RDH11: variants seen among roughly 807,000 people sequenced by gnomAD.
RDH11 encodes the protein retinol dehydrogenase 11, also known as HCV core-binding protein HCBP12.
RDH11 carries 19 observed loss-of-function variants against 33.4 expected under a neutral mutation model. The observed-to-expected ratio is 0.57, with a 90% CI of 0.40 to 0.83. RDH11 has a LOEUF of 0.83. RDH11 is among the 40% of genes least tolerant of loss of function. The probability of loss-of-function intolerance (pLI) is 0.00; values close to 1 mark genes in which losing one functional copy is unlikely to be tolerated. For missense variants in RDH11, 353 were observed against 389.0 expected, an observed-to-expected ratio of 0.91 and a Z score of 0.78; for synonymous variants, 154 against 155.3, an observed-to-expected ratio of 0.99 and a Z score of 0.06.
At chr14:67,693,199 A>G in intron 1 of RDH11, 147 bp from the exon 2 acceptor site, 2 of 533,336 alleles carry the variant, frequency 3.7e-6, no homozygotes, top group Non-Finnish European at 6.6e-6. Flanking sequence ...ATTTAAGGAA[A>G]GTTGGAGGAA....
At chr14:67,680,989 C>G (rs1446648262) in intron 6 of RDH11, among the ~76,000 whole-genome samples, 1 of 152,146 alleles carries the variant, frequency 6.6e-6, no homozygotes, top group Non-Finnish European at 1.5e-5. Context: ...TGATTTTTGA[C>G]AAGCTTACTG....
intron 2 of RDH11, 36 bp downstream of exon 2, chr14:67,692,898 C>A: frequency 1.5e-6 from 2 of 1,347,870 alleles, no homozygotes; most frequent in Non-Finnish European, 2.1e-6. Flanking sequence ...GGTAAAACAG[C>A]AGTAATAGGA....
At chr14:67,692,282 A>G in intron 3 of RDH11, 156 bp downstream of exon 3, 1 of 733,148 alleles carries the variant, frequency 1.4e-6, no homozygotes, top group Non-Finnish European at 2.3e-6. Flanking sequence ...TCCCTTTGAC[A>G]TAAATTGTGT....
chr14:67,679,903 T>C (rs1000617008), intron 6 of RDH11, among the ~76,000 whole-genome samples: 6 of 152,162 alleles, frequency 3.9e-5, no homozygotes, highest in African/African-American at 1.4e-4. Context: ...TTCAAGAAAA[T>C]TGCTTCCTCA....
intron 5 of RDH11, among the ~76,000 whole-genome samples, chr14:67,687,878 T>C (rs1051957019): frequency 2.0e-5 from 3 of 151,890 alleles, no homozygotes; most frequent in African/African-American, 7.3e-5. Flanking sequence ...TTCAGGCGAT[T>C]CTCCTGCCTC....
At chr14:67,679,981 A>G (rs1260090742) in intron 6 of RDH11, among the ~76,000 whole-genome samples, 1 of 152,210 alleles carries the variant, frequency 6.6e-6, no homozygotes, top group Non-Finnish European at 1.5e-5. Flanking sequence ...CAAACTCTTA[A>G]CACTATGTCA....
Position 67,691,186 on chromosome 14 carries a change from C to G in RDH11, c.408G>C (p.Ser136=). Residue 136 remains serine, a synonymous_variant, in exon 4 of 7, where the codon TCG becomes TCC. Transcript: ENST00000381346. ...NNAGVMMCPY[S]KTADGFEMHI... Reference sequence around the variant, plus strand: ...GCATCTCAAAGCCATCTGCTGTCTTCGAGTACGGACACATCATCACTCCTG... The same window carrying G: ...GCATCTCAAAGCCATCTGCTGTCTTGGAGTACGGACACATCATCACTCCTG... The G allele has an allele frequency of 6.2e-7, 1 of 1,614,062 alleles. No individual in the cohort carries two copies. The highest frequency in any genetic ancestry group is 8.5e-7 in the Non-Finnish European group (1 of 1,179,952).
At chr14:67,693,770 G>C (rs1042671717) in intron 1 of RDH11, among the ~76,000 whole-genome samples, 1 of 151,196 alleles carries the variant, frequency 6.6e-6, no homozygotes, top group Admixed American at 6.6e-5. Flanking sequence ...AGGTTCAAGC[G>C]ATTCTCATCC....
chr14:67,678,511 C>T (rs2037572642), intron 6 of RDH11, 88 bp from the exon 7 acceptor site: 1 of 803,126 alleles, frequency 1.2e-6, no homozygotes. Context: ...ATAAAAACAA[C>T]TAGGGATCAC....
At chr14:67,688,194 C>G (rs1350667417) in intron 5 of RDH11, among the ~76,000 whole-genome samples, 1 of 152,176 alleles carries the variant, frequency 6.6e-6, no homozygotes, top group Non-Finnish European at 1.5e-5. Flanking sequence ...AATAAGGTCC[C>G]CCCAAGACTC....
At position 67,683,999 on chromosome 14, in the gene RDH11, T is replaced by C. The variant is rs186835565; in HGVS notation, c.854+1016A>G. Among the ~76,000 whole-genome samples, 289 of 152,366 alleles carry C rather than the reference T, an allele frequency of 1.9e-3. 1 individual carries two copies. Among genetic ancestry groups the C allele is most frequent in the Non-Finnish European group, 3.5e-3 (236 of 68,040 alleles). On this transcript the variant is annotated intron_variant, in intron 6 of 6. Coordinates refer to ENST00000381346, the MANE Select transcript of RDH11 (RefSeq NM_016026.4). ...GCAAAGCCTCCCTCATCCCCTCATT[T>C]AATTAATCATCCAGTGATAAAAATT...
intron 2 of RDH11, 105 bp downstream of exon 2, chr14:67,692,829 T>C: frequency 1.1e-6 from 1 of 945,664 alleles, no homozygotes; most frequent in Non-Finnish European, 1.7e-6. Flanking sequence ...AATCCTTAGG[T>C]GTTCTTGAAT....
At chr14:67,692,246 T>C (rs2037759321) in intron 3 of RDH11, 192 bp downstream of exon 3, 1 of 604,952 alleles carries the variant, frequency 1.7e-6, no homozygotes, top group South Asian at 2.0e-5. Context: ...TTTGAATTCA[T>C]TTTTTGTTTC....
intron 1 of RDH11, among the ~76,000 whole-genome samples, chr14:67,694,433 T>G (rs957963201): frequency 2.3e-5 from 3 of 132,586 alleles, no homozygotes; most frequent in African/African-American, 8.1e-5. Flanking sequence ...GCTCCTGGAA[T>G]ATATATATAT....
intron 5 of RDH11, among the ~76,000 whole-genome samples, chr14:67,689,704 G>A (rs546181798): frequency 6.6e-6 from 1 of 152,310 alleles, no homozygotes; most frequent in African/African-American, 2.4e-5. Flanking sequence ...AGCACTCTGG[G>A]AGGCCAAGGT....
intron 4 of RDH11, chr14:67,690,925 C>G (rs2037741634): frequency 1.8e-6 from 1 of 557,072 alleles, no homozygotes; most frequent in South Asian, 2.3e-5. Flanking sequence ...TGCGCCAAGG[C>G]AAACCAAATC....
chr14:67,680,768 C>T (rs979440192), intron 6 of RDH11, among the ~76,000 whole-genome samples: 1 of 152,174 alleles, frequency 6.6e-6, no homozygotes, highest in African/African-American at 2.4e-5. Flanking sequence ...CAAGTAAGAG[C>T]TAGTTAAGTG....
intron 1 of RDH11, among the ~76,000 whole-genome samples, chr14:67,694,495 T>C (rs2037801801): frequency 6.7e-6 from 1 of 149,618 alleles, no homozygotes; most frequent in African/African-American, 2.5e-5. Flanking sequence ...CACACATATA[T>C]ATATATATAT....
chr14:67,692,276 T>TAAA, intron 3 of RDH11, 162 bp downstream of exon 3: 1 of 711,500 alleles, frequency 1.4e-6, no homozygotes, highest in East Asian at 2.7e-5. Context: ...AAGATATCCC[T>TAAA]TTGACATAAA....
Sources: allele counts gnomAD v4.1 joint callset (sites outside exome capture counted in the v4.1 genomes callset), GRCh38; gene constraint gnomAD v4.1.1; transcripts MANE v1.5; gene names NCBI Gene and HGNC (gene_info 2026-07-23, HGNC 2026-07-21).